ZNF701: variants seen among roughly 807,000 people sequenced by gnomAD.
The protein encoded by ZNF701 is zinc finger protein 701.
A neutral mutation model predicts 7.1 loss-of-function variants in ZNF701; 6 were observed. The observed-to-expected ratio is 0.84, with a 90% CI of 0.46 to 1.66. The LOEUF (loss-of-function observed/expected upper bound fraction) is 1.66, where lower values mean the gene tolerates loss of function less well. Ranked by LOEUF, ZNF701 falls within the 40% of genes most tolerant of loss-of-function variation. The pLI is 0.01. For synonymous variants in ZNF701, 166 were observed against 188.2 expected, an observed-to-expected ratio of 0.88 and a Z score of 0.97; for missense variants, 541 against 559.2, an observed-to-expected ratio of 0.97 and a Z score of 0.33.
chr19:52,597,177 TATC>T, the ZNF701 span: 7 of 587,846 alleles, frequency 1.2e-5, no homozygotes, highest in East Asian at 1.3e-4. Context: ...ACCTTACAAA[TATC>T]ATGACTGTGG....
chr19:52,571,289 G>A (rs530702732), intron 1 of ZNF701, among the ~76,000 whole-genome samples: 1 of 152,042 alleles, frequency 6.6e-6, no homozygotes, highest in Non-Finnish European at 1.5e-5. Flanking sequence ...AGAGCAGAGT[G>A]GTGCTGGTGG....
At chr19:52,570,967 T>TGG (rs142885385) in intron 1 of ZNF701, 12,012 of 152,078 alleles carry the variant, frequency 0.079, 654 homozygotes, top group African/African-American at 0.15. Flanking sequence ...AACCCTCCTG[T>TGG]GATTGTGTGG....
chr19:52,592,095 A>G, downstream of ZNF701: 1 of 1,024,132 alleles, frequency 9.8e-7, no homozygotes, highest in Non-Finnish European at 1.5e-6. Context: ...TCTGTCTTTC[A>G]TTTTAGGGAC....
chr19:52,596,572 C>G, the ZNF701 span: 16 of 402,242 alleles, frequency 4.0e-5, no homozygotes, highest in Non-Finnish European at 7.0e-5. Context: ...AGTAGAAAAG[C>G]AAACCTTGCA....
In ZNF701 at chr19:52,583,410, T is replaced by C; in HGVS notation, c.1351T>C (p.Ser451Pro). 6.2e-7 allele frequency: 1 copy of C among 1,613,278 alleles called. No individual in the cohort carries two copies. The highest frequency in any genetic ancestry group is 8.5e-7 in the Non-Finnish European group (1 of 1,179,720). ...ATGTGGCAAGGTTTTTAATCGAAAA[T>C]CAAACCTTGAACGTCATCATAGACT... is the stretch of plus-strand genomic sequence containing the variant. ...NECGKVFNRK[S>P]NLERHHRLHT... is the part of the protein sequence containing the mutation. The change falls in exon 4 of 4, where the codon TCA becomes CCA. Residue 451 changes from serine to proline, a missense_variant. Coordinates refer to ENST00000391785, the MANE Select transcript of ZNF701 (RefSeq NM_018260.3).
chr19:52,580,232 C>T (rs1039622233), intron 3 of ZNF701, among the ~76,000 whole-genome samples: 2 of 151,574 alleles, frequency 1.3e-5, no homozygotes, highest in Non-Finnish European at 2.9e-5. Context: ...CGTGAGCCAC[C>T]GCGCCCAGCC....
downstream of ZNF701, among the ~76,000 whole-genome samples, chr19:52,589,450 A>G (rs760969060): frequency 7.9e-5 from 12 of 151,108 alleles, no homozygotes; most frequent in Non-Finnish European, 1.8e-4. Flanking sequence ...TTTTTAGGAT[A>G]AAACAGAAAC....
At position 52,582,845 on chromosome 19, in the gene ZNF701, A is replaced by T. The variant is rs749689929; in HGVS notation, c.786A>T (p.Arg262Ser). The T allele has an allele frequency of 9.9e-6, 16 of 1,614,202 alleles. No homozygotes were observed. Among genetic ancestry groups the T allele is most frequent in the Non-Finnish European group, 1.3e-5 (15 of 1,180,024 alleles). The part of the protein sequence containing the change: ...FHQKRYLACH[R>S]CHTGENPYTC... ...AGAAGCGATACCTTGCATGCCATAGATGTCACACTGGTGAGAATCCTTACA... is the reference window on the plus strand; with the variant it reads ...AGAAGCGATACCTTGCATGCCATAGTTGTCACACTGGTGAGAATCCTTACA... The change falls in exon 4 of 4, where the codon AGA (arginine) becomes AGT (serine). Residue 262 changes from arginine (R) to serine (S), a missense_variant. Coordinates refer to ENST00000391785, the MANE Select transcript of ZNF701 (RefSeq NM_018260.3).
intron 1 of ZNF701, among the ~76,000 whole-genome samples, chr19:52,571,483 A>C (rs1039913262): frequency 6.6e-6 from 1 of 152,152 alleles, no homozygotes; most frequent in Non-Finnish European, 1.5e-5. Flanking sequence ...GGGGAGAAGG[A>C]GCAACAAGAG....
At chr19:52,573,621 C>T (rs1395605254) in intron 1 of ZNF701, among the ~76,000 whole-genome samples, 1 of 152,042 alleles carries the variant, frequency 6.6e-6, no homozygotes, top group Non-Finnish European at 1.5e-5. Flanking sequence ...TGATCCTCCC[C>T]CTCAGCTTCC....
At position 52,584,239 on chromosome 19, in the gene ZNF701, A is replaced by G. The variant is rs433377; in HGVS notation, c.*782A>G. On this transcript the variant is annotated 3_prime_UTR_variant, in exon 4 of 4. Transcript: ENST00000391785. ...CGGTGAGCACAGCAAACCATCAAGG[A>G]TTGACAGTAGAGTCAATTCAGAATT... 20,416 of 236,064 alleles carry G rather than the reference A, an allele frequency of 0.086. 2,760 individuals are homozygous for G. Among genetic ancestry groups the G allele is most frequent in the African/African-American group, 0.35 (15,099 of 43,568 alleles). 14.6% of individuals were successfully genotyped at this position (236,064 alleles called of 1,614,324 possible). A position where few individuals can be genotyped will look rare whatever the true frequency, so the allele number is the denominator to read the frequency against.
At chr19:52,588,347 C>T (rs564458973), downstream of ZNF701, among the ~76,000 whole-genome samples, 13 of 151,950 alleles carry the variant, frequency 8.6e-5, no homozygotes, top group African/African-American at 3.1e-4. Flanking sequence ...TTAGCTGGGC[C>T]TGGCAGCGCA....
the ZNF701 span, among the ~76,000 whole-genome samples, chr19:52,593,892 C>T: frequency 1.1e-4 from 13 of 116,656 alleles, 4 homozygotes; most frequent in South Asian, 5.7e-4. Flanking sequence ...CAGGCAGAGA[C>T]GCTCCTCACT....
At chr19:52,578,941 T>C (rs1489630162) in intron 3 of ZNF701, among the ~76,000 whole-genome samples, 1 of 150,882 alleles carries the variant, frequency 6.6e-6, no homozygotes, top group Non-Finnish European at 1.5e-5. Flanking sequence ...TGTATTTTTA[T>C]TAGAGACAGG....
At chr19:52,598,268 G>T in the ZNF701 span, among the ~76,000 whole-genome samples, 2 of 152,164 alleles carry the variant, frequency 1.3e-5, no homozygotes, top group African/African-American at 4.8e-5. Flanking sequence ...TCAAACAATC[G>T]AAGGTAAAAC....
chr19:52,571,822 C>G (rs921547438), intron 1 of ZNF701, among the ~76,000 whole-genome samples: 1 of 152,000 alleles, frequency 6.6e-6, no homozygotes, highest in Admixed American at 6.6e-5. Flanking sequence ...TCACCGCAAC[C>G]CTTTTTGGTT....
rs766158238 is a variant in ZNF701, at chr19:52,582,402, A to G, written c.343A>G (p.Lys115Glu). The change falls in exon 4 of 4, where the codon AAA becomes GAA. Residue 115 changes from lysine (K) to glutamate (E), a missense_variant. Transcript: ENST00000391785. The part of the protein sequence containing the change: ...ETNGHEALMT[K>E]TKKLMSSTER... ...AAATGGCCATGAAGCACTCATGACA[A>G]AAACCAAAAAGTTGATGAGTAGTAC... The G allele has an allele frequency of 6.2e-6, 10 of 1,613,448 alleles. No homozygotes were observed. In the Admixed American group the frequency reaches 8.3e-5, roughly 13 times the overall value.
intron 1 of ZNF701, among the ~76,000 whole-genome samples, chr19:52,571,430 T>G (rs542500023): frequency 6.3e-4 from 96 of 152,112 alleles, no homozygotes; most frequent in Non-Finnish European, 9.9e-4. Flanking sequence ...AGAGATGGGA[T>G]AAGAGGCGGA....
intron 3 of ZNF701, among the ~76,000 whole-genome samples, chr19:52,579,042 C>T (rs540079887): frequency 7.7e-6 from 1 of 130,150 alleles, no homozygotes; most frequent in Non-Finnish European, 1.5e-5. Flanking sequence ...CACCGCGCCC[C>T]GCCGTGCCCA....
Sources: allele counts gnomAD v4.1 joint callset (sites outside exome capture counted in the v4.1 genomes callset), GRCh38; gene constraint gnomAD v4.1.1; transcripts MANE v1.5; gene names NCBI Gene and HGNC (gene_info 2026-07-23, HGNC 2026-07-21).